SS18L2: variants seen among roughly 807,000 people sequenced by gnomAD.
SS18L2 encodes the protein SS18 like 2, also known as SS18-like protein 2.
Under a neutral mutation model 10.3 loss-of-function variants are expected in SS18L2, and 8 were observed. The ratio of observed to expected loss-of-function variants is 0.78; its 90% CI spans 0.46 to 1.41. The LOEUF (loss-of-function observed/expected upper bound fraction) is 1.41, where lower values mean the gene tolerates loss of function less well. SS18L2 is among the 40% of genes most tolerant of loss of function. SS18L2 has a pLI of 0.00. For missense variants in SS18L2, 100 were observed against 96.2 expected (o/e 1.04, Z -0.17); for synonymous variants, 41 against 34.6 (o/e 1.19, Z -0.65).
chr3:42,593,308 T>C (rs1704917318), intron 2 of SS18L2, among the ~76,000 whole-genome samples: 1 of 152,120 alleles, frequency 6.6e-6, no homozygotes, highest in Non-Finnish European at 1.5e-5. Context: ...TCCCAGCTAC[T>C]TGGGAGGCCG....
At chr3:42,593,775 T>A (rs942484013) in intron 2 of SS18L2, among the ~76,000 whole-genome samples, 8 of 152,208 alleles carry the variant, frequency 5.3e-5, no homozygotes, top group Non-Finnish European at 8.8e-5. Flanking sequence ...TGCTATTTTA[T>A]ACATGGTATG....
chr3:42,584,198 C>A (rs1704535006), intron 1 of SS18L2, among the ~76,000 whole-genome samples: 1 of 152,184 alleles, frequency 6.6e-6, no homozygotes, highest in African/African-American at 2.4e-5. Flanking sequence ...TTGACTAATA[C>A]AGATGTCAAC....
At chr3:42,588,276 T>C (rs1420809999), upstream of SS18L2, among the ~76,000 whole-genome samples, 1 of 150,472 alleles carries the variant, frequency 6.6e-6, no homozygotes, top group Non-Finnish European at 1.5e-5. Flanking sequence ...TGGTGGCTTA[T>C]GCCTGTAGTC....
chr3:42,592,515 A>G (rs998033225), intron 2 of SS18L2, among the ~76,000 whole-genome samples: 6 of 152,164 alleles, frequency 3.9e-5, no homozygotes, highest in African/African-American at 1.4e-4. Flanking sequence ...CCCATTTCTT[A>G]TAGAAAAATA....
upstream of SS18L2, chr3:42,590,683 ACTGCGCAAG>A: frequency 1.6e-6 from 1 of 614,044 alleles, no homozygotes; most frequent in South Asian, 1.9e-5. Context: ...CGCTCTCCAG[ACTGCGCAAG>A]CGCAAAGGAT....
rs1435748264 is a variant in SS18L2, at chr3:42,595,567, T to G, written c.*1058T>G. ...CACTTAAATTATGATCCACCCAGCT[T>G]TGATGTGGTAATTCATTAGGGATTA... is the stretch of plus-strand genomic sequence containing the variant. On this transcript the variant is annotated 3_prime_UTR_variant, in exon 3 of 3. Transcript: ENST00000011691. Among the ~76,000 whole-genome samples the G allele has an allele frequency of 1.3e-5, 2 of 152,214 alleles. No individual in the cohort carries two copies. The highest frequency in any genetic ancestry group is 2.9e-5 in the Non-Finnish European group (2 of 68,030).
At chr3:42,584,027 T>C (rs1273259556) in intron 1 of SS18L2, among the ~76,000 whole-genome samples, 1 of 152,206 alleles carries the variant, frequency 6.6e-6, no homozygotes, top group African/African-American at 2.4e-5. Flanking sequence ...TCTACCAGCC[T>C]CCCTGGTTCT....
At chr3:42,590,218 G>A (rs1415822405), upstream of SS18L2, among the ~76,000 whole-genome samples, 2 of 152,212 alleles carry the variant, frequency 1.3e-5, no homozygotes, top group African/African-American at 4.8e-5. Flanking sequence ...ATTTGGCCTG[G>A]CAGGAGACAA....
At chr3:42,585,730 C>T (rs1704588586) in intron 1 of SS18L2, among the ~76,000 whole-genome samples, 1 of 152,150 alleles carries the variant, frequency 6.6e-6, no homozygotes, top group Non-Finnish European at 1.5e-5. Context: ...AGAATCCAAC[C>T]TTCTGTCTTC....
At chr3:42,585,808 A>G (rs962212863) in intron 1 of SS18L2, among the ~76,000 whole-genome samples, 1 of 152,302 alleles carries the variant, frequency 6.6e-6, no homozygotes, top group Admixed American at 6.5e-5. Flanking sequence ...TCAGTGCTAC[A>G]TACATTGTCA....
intron 1 of SS18L2, chr3:42,582,251 C>G (rs1439626272): frequency 6.6e-6 from 1 of 152,262 alleles, no homozygotes. Flanking sequence ...AAGGAGCCTT[C>G]GTGATCTAAG....
chr3:42,590,797 C>A, upstream of SS18L2: 1 of 1,240,712 alleles, frequency 8.1e-7, no homozygotes, highest in Admixed American at 1.7e-5. Flanking sequence ...CCTTCTGTAC[C>A]CCGCCCTGTA....
upstream of SS18L2, among the ~76,000 whole-genome samples, chr3:42,588,528 A>T (rs1330247554): frequency 1.3e-5 from 2 of 152,210 alleles, no homozygotes; most frequent in South Asian, 2.1e-4. Flanking sequence ...CCCAGGACAG[A>T]TCTTTGTGTG....
upstream of SS18L2, chr3:42,590,696 A>G: frequency 1.6e-6 from 1 of 632,410 alleles, no homozygotes; most frequent in Non-Finnish European, 2.8e-6. Context: ...GCGCAAGCGC[A>G]AAGGATACGA....
chr3:42,587,845 G>A (rs1704673870), upstream of SS18L2, among the ~76,000 whole-genome samples: 1 of 152,122 alleles, frequency 6.6e-6, no homozygotes, highest in South Asian at 2.1e-4. Flanking sequence ...GCTGAGGTGG[G>A]TGGTTCACCT....
chr3:42,585,956 T>C (rs1156916187), upstream of SS18L2, among the ~76,000 whole-genome samples: 1 of 151,576 alleles, frequency 6.6e-6, no homozygotes, highest in South Asian at 2.1e-4. Context: ...CCTCCCCCGC[T>C]TGCTCTCCCA....
intron 2 of SS18L2, among the ~76,000 whole-genome samples, 172 bp downstream of exon 2, chr3:42,591,773 G>C (rs1704856611): frequency 6.6e-6 from 1 of 152,174 alleles, no homozygotes; most frequent in African/African-American, 2.4e-5. Context: ...CATACAACGA[G>C]TACACTGCGG....
rs915607740 is a variant in SS18L2 at position 42,591,190 on chromosome 3, C to A, written c.69+224C>A. ...CCGTCCAGACGTCACACTGCACTAACCCTTTCTCTCCTTTTTTTTTTTTTT... is the reference window on the plus strand; with the variant it reads ...CCGTCCAGACGTCACACTGCACTAAACCTTTCTCTCCTTTTTTTTTTTTTT... On this transcript the variant is annotated intron_variant, in intron 1 of 2. Coordinates refer to ENST00000011691, the MANE Select transcript of SS18L2 (RefSeq NM_001370300.1). The A allele has an allele frequency of 1.5e-5, 9 of 582,536 alleles. No individual in the cohort carries two copies. The East Asian group carries it at 2.5e-4, about 16-fold the overall frequency. 36.1% of individuals were successfully genotyped at this position (582,536 alleles called of 1,614,324 possible). A position where few individuals can be genotyped will look rare whatever the true frequency, so the allele number is the denominator to read the frequency against.
Position 42,594,585 on chromosome 3 carries a change from A to T in SS18L2, c.*76A>T. ...TTGAATGTAATCCATCTCTTACAAA[A>T]TGGAGACAGGGTCTTTACCAACTCA... On this transcript the variant is annotated 3_prime_UTR_variant, in exon 3 of 3. Coordinates refer to ENST00000011691, the MANE Select transcript of SS18L2 (RefSeq NM_001370300.1). The T allele has an allele frequency of 7.7e-7, 1 of 1,298,754 alleles. No homozygotes were observed. Among genetic ancestry groups the T allele is most frequent in the Non-Finnish European group, 1.1e-6 (1 of 904,704 alleles). 80.5% of individuals were successfully genotyped at this position (1,298,754 alleles called of 1,614,324 possible).
Sources: allele counts gnomAD v4.1 joint callset (sites outside exome capture counted in the v4.1 genomes callset), GRCh38; gene constraint gnomAD v4.1.1; transcripts MANE v1.5; gene names NCBI Gene and HGNC (gene_info 2026-07-23, HGNC 2026-07-21).